The following SPIDR variants were observed in gnomAD, a reference collection of about 807,000 sequenced individuals.
SPIDR encodes scaffold protein involved in DNA repair.
In SPIDR, 93 loss-of-function variants were observed where a neutral mutation model predicts 104.6. That is an observed-to-expected ratio of 0.89 (90% CI 0.75 to 1.06). The LOEUF is 1.06. SPIDR is among the 50% of genes least tolerant of loss of function. The pLI is 0.00. For missense variants in SPIDR, 1,154 were observed against 1,111.2 expected (o/e 1.04, Z -0.55); for synonymous variants, 431 against 416.9 (o/e 1.03, Z -0.41).
chr8:47,454,118 C>G (rs1220125217), intron 8 of SPIDR, among the ~76,000 whole-genome samples: 5 of 152,194 alleles, frequency 3.3e-5, no homozygotes, highest in Non-Finnish European at 7.3e-5. Flanking sequence ...CCAGCCATCC[C>G]ATTACTGGGT....
chr8:47,349,542 C>T (rs1184417015), intron 5 of SPIDR, among the ~76,000 whole-genome samples: 3 of 152,212 alleles, frequency 2.0e-5, no homozygotes, highest in African/African-American at 7.2e-5. Context: ...GAAGTTTCTG[C>T]TGCCTTTTGT....
intron 5 of SPIDR, among the ~76,000 whole-genome samples, chr8:47,356,709 A>G (rs2054618812): frequency 6.6e-6 from 1 of 150,844 alleles, no homozygotes; most frequent in African/African-American, 2.4e-5. Context: ...GATTGCACAG[A>G]CAGCACATTT....
chr8:47,484,169 A>G (rs1026779241), intron 8 of SPIDR, among the ~76,000 whole-genome samples: 3 of 152,234 alleles, frequency 2.0e-5, no homozygotes, highest in Admixed American at 6.5e-5. Context: ...GTCACTTAAT[A>G]AAGTGCGGAA....
At chr8:47,296,040 G>C (rs895785210) in intron 5 of SPIDR, among the ~76,000 whole-genome samples, 3 of 152,130 alleles carry the variant, frequency 2.0e-5, no homozygotes, top group South Asian at 2.1e-4. Flanking sequence ...GAGTGGTGAT[G>C]ATGAGCATTT....
chr8:47,626,241 G>C (rs911882628), intron 10 of SPIDR, among the ~76,000 whole-genome samples: 7 of 152,150 alleles, frequency 4.6e-5, no homozygotes, highest in Admixed American at 1.3e-4. Flanking sequence ...ATTAATTCAA[G>C]ATGGATTAAA....
intron 8 of SPIDR, among the ~76,000 whole-genome samples, chr8:47,534,617 G>A (rs576496263): frequency 6.6e-6 from 1 of 152,224 alleles, no homozygotes; most frequent in African/African-American, 2.4e-5. Flanking sequence ...AGCAGACACT[G>A]AGGTCAACTT....
intron 11 of SPIDR, among the ~76,000 whole-genome samples, chr8:47,682,558 T>A (rs1263241450): frequency 1.3e-5 from 2 of 152,258 alleles, no homozygotes; most frequent in African/African-American, 2.4e-5. Flanking sequence ...TTTCTTAGTA[T>A]AATTTTATGT....
In SPIDR at chr8:47,709,322, T is replaced by C. The variant is rs2081514637; in HGVS notation, c.1978-3340T>C. Among the ~76,000 whole-genome samples, 4 of 152,344 alleles carry C rather than the reference T, an allele frequency of 2.6e-5. No homozygotes were observed. In the South Asian group the frequency reaches 8.3e-4, roughly 32 times the overall value. On this transcript the variant is annotated intron_variant, in intron 14 of 19. Transcript: ENST00000297423. ...CACCAGCTAATTTTTGTATTTTTAG[T>C]AGAGACAGGGTTTCACAATGTTAGC...
chr8:47,268,047 G>A (rs1222660271), intron 1 of SPIDR, among the ~76,000 whole-genome samples: 1 of 152,056 alleles, frequency 6.6e-6, no homozygotes, highest in Non-Finnish European at 1.5e-5. Context: ...CATTCTTTTC[G>A]ATGTGGATAC....
At chr8:47,424,511 T>C (rs531839712) in intron 7 of SPIDR, among the ~76,000 whole-genome samples, 282 of 151,836 alleles carry the variant, frequency 1.9e-3, no homozygotes, top group Non-Finnish European at 3.0e-3. Flanking sequence ...AGAAATGGAG[T>C]CTTCCTATGT....
intron 10 of SPIDR, among the ~76,000 whole-genome samples, chr8:47,622,787 G>A (rs1439726639): frequency 2.0e-5 from 3 of 152,248 alleles, no homozygotes; most frequent in Non-Finnish European, 4.4e-5. Flanking sequence ...TTCAGTTGAC[G>A]TTGCAAGTAA....
At chr8:47,446,043 T>C (rs2070526751) in intron 8 of SPIDR, among the ~76,000 whole-genome samples, 1 of 152,222 alleles carries the variant, frequency 6.6e-6, no homozygotes. Flanking sequence ...GCTAAGATCA[T>C]TAATGAAGGT....
intron 14 of SPIDR, among the ~76,000 whole-genome samples, chr8:47,703,959 C>T (rs942683181): frequency 5.3e-5 from 8 of 152,244 alleles, no homozygotes; most frequent in Admixed American, 2.0e-4. Flanking sequence ...ATAGGTGCTG[C>T]GCAAGAACAC....
At chr8:47,405,559 A>G (rs1247420626) in intron 6 of SPIDR, among the ~76,000 whole-genome samples, 1 of 152,056 alleles carries the variant, frequency 6.6e-6, no homozygotes, top group Admixed American at 6.6e-5. Flanking sequence ...TATTGTTTTT[A>G]TAGAAATGTT....
intron 5 of SPIDR, among the ~76,000 whole-genome samples, chr8:47,314,491 C>A (rs1480720153): frequency 6.6e-6 from 1 of 152,118 alleles, no homozygotes; most frequent in Non-Finnish European, 1.5e-5. Context: ...AGGAAACTTA[C>A]AATCATGGAG....
chr8:47,458,371 TTTTA>T lies in SPIDR; in HGVS notation c.1097+17833_1097+17836del, dbSNP rs2073374476. Reference sequence around the variant, plus strand: ...TTTTATTTTATTTTATTTTATTTTATTTTATTTTATTTTATTTTATTGCAGCTAT... The same window carrying T: ...TTTTATTTTATTTTATTTTATTTTATTTTTATTTTATTTTATTGCAGCTAT... On this transcript the variant is annotated intron_variant, in intron 8 of 19. Transcript: ENST00000297423. Among the ~76,000 whole-genome samples the T allele has an allele frequency of 6.7e-5, 10 of 148,776 alleles. No individual in the cohort carries two copies. In the South Asian group the frequency reaches 2.1e-3, roughly 31 times the overall value.
intron 8 of SPIDR, chr8:47,511,193 T>G (rs114653490): frequency 0.04 from 62,641 of 1,584,110 alleles, 1,439 homozygotes; most frequent in Non-Finnish European, 0.047. Flanking sequence ...ATGTTGCTGA[T>G]CCTGTGGCTG....
intron 7 of SPIDR, among the ~76,000 whole-genome samples, chr8:47,429,346 C>T (rs1449456215): frequency 6.6e-6 from 1 of 152,080 alleles, no homozygotes; most frequent in Non-Finnish European, 1.5e-5. Context: ...TTTCTCACTG[C>T]CCCCTTTCTG....
chr8:47,481,600 A>T (rs973962156), intron 8 of SPIDR, among the ~76,000 whole-genome samples: 33 of 152,338 alleles, frequency 2.2e-4, no homozygotes, highest in African/African-American at 7.9e-4. Flanking sequence ...TGTTTTGCTT[A>T]CCACTGTATT....
Sources: gnomAD v4.1 joint callset for allele counts (sites outside exome capture counted in the v4.1 genomes callset) on GRCh38, gnomAD v4.1.1 for gene constraint, MANE v1.5 for transcripts, NCBI Gene and HGNC (gene_info 2026-07-23, HGNC 2026-07-21) for gene names.